Variants in RBFOX1 observed in about 807,000 individuals in gnomAD.
RBFOX1 encodes RNA binding protein fox-1 homolog 1.
A neutral mutation model predicts 57.7 loss-of-function variants in RBFOX1; 8 were observed. That is an observed-to-expected ratio of 0.14 (90% CI 0.08 to 0.25). RBFOX1 has a LOEUF of 0.25. Ranked by LOEUF, RBFOX1 falls within the 10% of genes least tolerant of loss-of-function variation. The probability of loss-of-function intolerance (pLI) is 1.00; values close to 1 mark genes in which losing one functional copy is unlikely to be tolerated. For missense variants in RBFOX1, 611 were observed against 548.5 expected, an observed-to-expected ratio of 1.11 and a Z score of -1.14; for synonymous variants, 326 against 222.4, an observed-to-expected ratio of 1.47 and a Z score of -4.15.
chr16:7,264,735 C>T (rs773007988), intron 4 of RBFOX1, among the ~76,000 whole-genome samples: 1 of 152,012 alleles, frequency 6.6e-6, no homozygotes, highest in African/African-American at 2.4e-5. Flanking sequence ...ATCAACCATT[C>T]TTAGCTCTTG....
intron 3 of RBFOX1, among the ~76,000 whole-genome samples, chr16:7,046,789 A>G (rs917027112): frequency 6.6e-6 from 1 of 151,812 alleles, no homozygotes; most frequent in Non-Finnish European, 1.5e-5. Flanking sequence ...TATTTTTAAT[A>G]GAGACGGGGT....
intron 4 of RBFOX1, among the ~76,000 whole-genome samples, chr16:7,320,609 T>C (rs1275275005): frequency 1.3e-5 from 2 of 152,222 alleles, no homozygotes; most frequent in Non-Finnish European, 2.9e-5. Flanking sequence ...TCAAACTTGC[T>C]TAAGCAAAAA....
chr16:6,821,883 C>T (rs900706310), intron 3 of RBFOX1, among the ~76,000 whole-genome samples: 10 of 152,122 alleles, frequency 6.6e-5, no homozygotes, highest in African/African-American at 9.7e-5. Context: ...TATACCTAGG[C>T]ATGAAATTGC....
At chr16:7,322,182 C>T (rs1203441368) in intron 4 of RBFOX1, among the ~76,000 whole-genome samples, 2 of 152,212 alleles carry the variant, frequency 1.3e-5, no homozygotes, top group Non-Finnish European at 2.9e-5. Flanking sequence ...GAAGCCATCT[C>T]CTGTTCTGAG....
intron 4 of RBFOX1, among the ~76,000 whole-genome samples, chr16:7,231,343 C>A (rs1423331628): frequency 2.0e-5 from 3 of 152,108 alleles, no homozygotes; most frequent in African/African-American, 4.8e-5. Flanking sequence ...CTATCGTTCA[C>A]GTGACTAAAC....
chr16:6,918,972 G>A (rs569183445), intron 3 of RBFOX1, among the ~76,000 whole-genome samples: 12 of 151,984 alleles, frequency 7.9e-5, no homozygotes, highest in Non-Finnish European at 1.6e-4. Context: ...AATAACAACA[G>A]CTAATGATTT....
At chr16:6,545,048 C>T (rs2096876134) in intron 2 of RBFOX1, among the ~76,000 whole-genome samples, 1 of 152,066 alleles carries the variant, frequency 6.6e-6, no homozygotes, top group Non-Finnish European at 1.5e-5. Context: ...GAAGGCATTC[C>T]AATAGGACTG....
At chr16:6,515,984 G>C (rs2096369900) in intron 2 of RBFOX1, among the ~76,000 whole-genome samples, 1 of 152,040 alleles carries the variant, frequency 6.6e-6, no homozygotes, top group South Asian at 2.1e-4. Context: ...CCTGTATTTA[G>C]ACTTCCTGGT....
rs569960319 is a variant in RBFOX1, at chr16:7,186,653, A to C, written c.27+134555A>C. Among the ~76,000 whole-genome samples, 120 of 147,500 alleles carry C rather than the reference A, an allele frequency of 8.1e-4. 1 individual carries two copies. The highest frequency in any genetic ancestry group is 3.7e-3 in the Middle Eastern group (1 of 268). ...AAATATAATATTTATATACACATTT[A>C]TATTTATGTATATTTATATACATAC... is the stretch of plus-strand genomic sequence containing the variant. On this transcript the variant is annotated intron_variant, in intron 4 of 15. Coordinates refer to ENST00000550418, the MANE Select transcript of RBFOX1 (RefSeq NM_018723.4).
At chr16:7,177,267 AC>A (rs1387041538) in intron 4 of RBFOX1, among the ~76,000 whole-genome samples, 1 of 152,172 alleles carries the variant, frequency 6.6e-6, no homozygotes, top group Non-Finnish European at 1.5e-5. Flanking sequence ...CATGGATAAG[AC>A]CAAGTTCAAA....
At chr16:7,502,386 T>C (rs537939498) in intron 4 of RBFOX1, among the ~76,000 whole-genome samples, 2 of 152,288 alleles carry the variant, frequency 1.3e-5, no homozygotes, top group African/African-American at 4.8e-5. Flanking sequence ...TAATTAAAAA[T>C]ACAGGCAGAT....
intron 3 of RBFOX1, among the ~76,000 whole-genome samples, chr16:5,799,339 C>T (rs1223538999): frequency 1.3e-5 from 2 of 152,080 alleles, no homozygotes; most frequent in African/African-American, 4.8e-5. Flanking sequence ...TGGGTGGGGA[C>T]ATAGCCAAAC....
chr16:6,174,393 A>C (rs2096987051), intron 1 of RBFOX1, among the ~76,000 whole-genome samples: 1 of 152,146 alleles, frequency 6.6e-6, no homozygotes, highest in Non-Finnish European at 1.5e-5. Flanking sequence ...CCAGGAGTTC[A>C]AGACTAGCCT....
At chr16:5,669,497 G>A (rs1296913889) in intron 3 of RBFOX1, among the ~76,000 whole-genome samples, 1 of 140,708 alleles carries the variant, frequency 7.1e-6, no homozygotes, top group East Asian at 2.1e-4. Flanking sequence ...TTGGCTCACT[G>A]CAACCTCCAA....
intron 1 of RBFOX1, among the ~76,000 whole-genome samples, chr16:6,101,316 A>G (rs997811226): frequency 4.6e-5 from 7 of 152,134 alleles, no homozygotes; most frequent in African/African-American, 1.7e-4. Flanking sequence ...ACATGCAGAC[A>G]GTTGTAAAAA....
chr16:5,375,157 C>T (rs1164829137), intron 1 of RBFOX1, among the ~76,000 whole-genome samples: 1 of 148,710 alleles, frequency 6.7e-6, no homozygotes, highest in Non-Finnish European at 1.5e-5. Context: ...TAGAGTTAAA[C>T]CGATCTCTTC....
intron 1 of RBFOX1, among the ~76,000 whole-genome samples, chr16:6,190,528 G>C (rs2097134959): frequency 6.6e-6 from 1 of 152,128 alleles, no homozygotes; most frequent in South Asian, 2.1e-4. Context: ...TTACTCCATA[G>C]GATTGTTATG....
intron 2 of RBFOX1, among the ~76,000 whole-genome samples, chr16:6,647,952 G>C (rs910947937): frequency 1.3e-5 from 2 of 151,976 alleles, no homozygotes; most frequent in Admixed American, 6.6e-5. Flanking sequence ...AGTGATTCTC[G>C]TGCGTCAGCC....
intron 1 of RBFOX1, among the ~76,000 whole-genome samples, chr16:6,261,583 A>G (rs1380677153): frequency 1.4e-4 from 21 of 152,170 alleles, no homozygotes; most frequent in Non-Finnish European, 1.5e-4. Flanking sequence ...CAGTCCATCA[A>G]GCTTCACCAG....
Sources: allele counts gnomAD v4.1 joint callset (sites outside exome capture counted in the v4.1 genomes callset), GRCh38; gene constraint gnomAD v4.1.1; transcripts MANE v1.5; gene names NCBI Gene and HGNC (gene_info 2026-07-23, HGNC 2026-07-21).